The following PREPL variants were observed in gnomAD, a reference collection of about 807,000 sequenced individuals.
PREPL encodes the protein prolyl endopeptidase-like.
Under a neutral mutation model 70.6 loss-of-function variants are expected in PREPL, and 77 were observed. That is an observed-to-expected ratio of 1.09 (90% CI 0.91 to 1.32). PREPL has a LOEUF of 1.32. Ranked by LOEUF, PREPL falls within the 40% of genes most tolerant of loss-of-function variation. The probability of loss-of-function intolerance (pLI) is 0.00; values close to 1 mark genes in which losing one functional copy is unlikely to be tolerated. For synonymous variants in PREPL, 315 were observed against 264.8 expected (o/e 1.19, Z -1.84); for missense variants, 1,002 against 778.2 (o/e 1.29, Z -3.42).
At chr2:44,353,181 GCTAA>G (rs1265698711) in intron 1 of PREPL, among the ~76,000 whole-genome samples, 1 of 152,120 alleles carries the variant, frequency 6.6e-6, no homozygotes, top group Non-Finnish European at 1.5e-5. Flanking sequence ...TGTGAATGAG[GCTAA>G]CTTAGGTCTA....
At chr2:44,343,671 A>G in intron 4 of PREPL, 74 bp downstream of exon 4, 2 of 1,393,732 alleles carry the variant, frequency 1.4e-6, no homozygotes. Context: ...CCTCCCTCAC[A>G]TGCGACAAAA....
intron 1 of PREPL, chr2:44,359,680 C>T: frequency 6.2e-7 from 1 of 1,613,136 alleles, no homozygotes; most frequent in South Asian, 1.1e-5. Context: ...TACTATACTT[C>T]AAAGCTTGGA....
At position 44,344,546 on chromosome 2, in the gene PREPL, C is replaced by A. The variant is rs779382848; in HGVS notation, c.116G>T (p.Cys39Phe). Residue 39 changes from cysteine (C) to phenylalanine (F), a missense_variant, in exon 3 of 14, where the codon TGC (cysteine) becomes TTC (phenylalanine). Cys to Phe is a radical substitution (Grantham distance 205, BLOSUM62 -2). Coordinates refer to ENST00000409411, the MANE Select transcript of PREPL (RefSeq NM_001171613.2). ...GGFVYYQEGC[C>F]LVRSKDEEAD... ...TTCTTCATCTTTGGAACGAACCAAG[C>A]AACAACCTTCTTGGTAATAAACAAA... 3 of 1,603,346 alleles carry A rather than the reference C, an allele frequency of 1.9e-6. No homozygotes were observed. The highest frequency in any genetic ancestry group is 2.6e-6 in the Non-Finnish European group (3 of 1,175,278).
rs1322299061 is a variant in PREPL, at chr2:44,332,616, G to C, written c.929C>G (p.Ser310Cys). Residue 310 changes from serine to cysteine, a missense_variant, in exon 8 of 14, where the codon TCT (serine) becomes TGT (cysteine). Ser to Cys is a moderately radical substitution (Grantham distance 112). Coordinates refer to ENST00000409411, the MANE Select transcript of PREPL (RefSeq NM_001171613.2). ...WACGFIMDTNSDPKNCPFQLC... is the reference protein window; with the variant it reads ...WACGFIMDTNCDPKNCPFQLC... Reference sequence around the variant, plus strand: ...TTGAAAGGGGCAGTTCTTTGGGTCAGAATTTGTATCCATTATGAATCCACA... The same window carrying C: ...TTGAAAGGGGCAGTTCTTTGGGTCACAATTTGTATCCATTATGAATCCACA... 1.2e-6 allele frequency: 2 copies of C among 1,613,808 alleles called. No individual in the cohort carries two copies. Among genetic ancestry groups the C allele is most frequent in the East Asian group, 2.2e-5 (1 of 44,874 alleles).
In PREPL at chr2:44,321,442, T is replaced by C; in HGVS notation, c.1831A>G (p.Thr611Ala). Residue 611 changes from threonine to alanine, a missense_variant, in exon 14 of 14, where the codon ACA (threonine) becomes GCA (alanine). Transcript: ENST00000409411. ...HVIEDSHKKI[T>A]AQIKFLYEEL... ...TCGTACAGGAATTTAATTTGGGCTG[T>C]AATCTAAAAGAAACACATTAAAAAA... The C allele has an allele frequency of 6.2e-7, 1 of 1,612,018 alleles. No individual in the cohort carries two copies. The highest frequency in any genetic ancestry group is 1.1e-5 in the South Asian group (1 of 90,968).
In PREPL at chr2:44,338,388, A is replaced by T; in HGVS notation, c.851T>A (p.Val284Glu). ...LKHSNLLYVN[V>E]IGLADDSVRS... is the part of the protein sequence containing the mutation. ...AACTGAATCATCAGCCAGACCAATC[A>T]CATTAACATAAAGGAGATTGCTGTG... Residue 284 changes from valine to glutamate, a missense_variant, in exon 7 of 14, where the codon GTG (valine) becomes GAG (glutamate). By Grantham distance (121) the Val-to-Glu change is moderately radical. Coordinates refer to ENST00000409411, the MANE Select transcript of PREPL (RefSeq NM_001171613.2). 1 of 1,613,068 alleles carries T rather than the reference A, an allele frequency of 6.2e-7. No individual in the cohort carries two copies. The highest frequency in any genetic ancestry group is 8.5e-7 in the Non-Finnish European group (1 of 1,179,778).
In PREPL at chr2:44,334,465, T is replaced by C. The variant is rs1012588639; in HGVS notation, c.889-1809A>G. On this transcript the variant is annotated intron_variant, in intron 7 of 13. Coordinates refer to ENST00000409411, the MANE Select transcript of PREPL (RefSeq NM_001171613.2). ...TTCTTTTTGTGACAAAAAAAAATACTTCCAGAAAATACTGATGGCATGGTG... is the reference window on the plus strand; with the variant it reads ...TTCTTTTTGTGACAAAAAAAAATACCTCCAGAAAATACTGATGGCATGGTG... 2.0e-5 allele frequency among the ~76,000 whole-genome samples: 3 copies of C among 152,352 alleles called. No individual in the cohort carries two copies. The East Asian group carries it at 5.8e-4, about 29-fold the overall frequency.
intron 2 of PREPL, among the ~76,000 whole-genome samples, chr2:44,345,885 T>C (rs1179128674): frequency 6.6e-6 from 1 of 152,146 alleles, no homozygotes; most frequent in Non-Finnish European, 1.5e-5. Context: ...CTCACACCTA[T>C]AATCTCAGCA....
At chr2:44,325,561 T>G (rs1673410673) in intron 10 of PREPL, among the ~76,000 whole-genome samples, 1 of 152,228 alleles carries the variant, frequency 6.6e-6, no homozygotes, top group South Asian at 2.1e-4. Flanking sequence ...TTCACTATAA[T>G]AAGCAACCTA....
At chr2:44,338,761 T>A (rs753304629) in intron 6 of PREPL, among the ~76,000 whole-genome samples, 1 of 152,120 alleles carries the variant, frequency 6.6e-6, no homozygotes, top group Non-Finnish European at 1.5e-5. Context: ...AGCCAACCAC[T>A]GGACATTTGA....
intron 1 of PREPL, among the ~76,000 whole-genome samples, chr2:44,355,559 A>C (rs1306114537): frequency 6.6e-6 from 1 of 152,038 alleles, no homozygotes; most frequent in Non-Finnish European, 1.5e-5. Flanking sequence ...AAAAAAAAGC[A>C]ATCACCCTGT....
rs1256765280 is a variant in PREPL at position 44,329,046 on chromosome 2, G to C, written c.1153C>G (p.Leu385Val). Reference sequence around the variant, plus strand: ...TAAGCTCCATATACATGTACCAAGAGAGGTTTCTTCTGCAAGTCCTCAGAG... The same window carrying C: ...TAAGCTCCATATACATGTACCAAGACAGGTTTCTTCTGCAAGTCCTCAGAG... ...TDSEDLQKKP[L>V]LVHVYGAYGM... Residue 385 changes from leucine to valine, a missense_variant, in exon 9 of 14, where the codon CTC becomes GTC. Transcript: ENST00000409411. 6.2e-7 allele frequency: 1 copy of C among 1,613,172 alleles called. No individual in the cohort carries two copies. Among genetic ancestry groups the C allele is most frequent in the Non-Finnish European group, 8.5e-7 (1 of 1,179,196 alleles).
intron 13 of PREPL, 114 bp downstream of exon 13, chr2:44,321,713 G>T (rs748647880): frequency 2.5e-6 from 4 of 1,592,550 alleles, no homozygotes; most frequent in African/African-American, 1.3e-5. Flanking sequence ...CTCACCCATA[G>T]ATAGGACATT....
chr2:44,356,496 G>C (rs1030116754), intron 1 of PREPL: 1 of 152,742 alleles, frequency 6.5e-6, no homozygotes, highest in African/African-American at 2.4e-5. Context: ...AGTGAGCCAA[G>C]ATCATGCCAT....
At chr2:44,323,936 C>A (rs1157408912) in intron 10 of PREPL, among the ~76,000 whole-genome samples, 1 of 152,038 alleles carries the variant, frequency 6.6e-6, no homozygotes, top group African/African-American at 2.4e-5. Context: ...ATATAATCCC[C>A]AAAACTGAAA....
At chr2:44,339,443 G>T in intron 5 of PREPL, 80 bp from the exon 6 acceptor site, 3 of 1,555,066 alleles carry the variant, frequency 1.9e-6, no homozygotes, top group Non-Finnish European at 2.6e-6. Context: ...TCTCAGAGGT[G>T]GTCAGTATAC....
In PREPL at chr2:44,319,803, G is replaced by C. The variant is rs1672770979; in HGVS notation, c.*1553C>G. On this transcript the variant is annotated 3_prime_UTR_variant, in exon 14 of 14. Transcript: ENST00000409411. ...AAGGGGAACAAACCCAAATTCCTCAGAAGTCTGAGTCCACTGTTGCCTTCT... is the reference window on the plus strand; with the variant it reads ...AAGGGGAACAAACCCAAATTCCTCACAAGTCTGAGTCCACTGTTGCCTTCT... 1 of 183,126 alleles carries C rather than the reference G, an allele frequency of 5.5e-6. No homozygotes were observed. The highest frequency in any genetic ancestry group is 1.2e-5 in the Non-Finnish European group (1 of 86,630). 11.3% of individuals were successfully genotyped at this position (183,126 alleles called of 1,614,324 possible).
rs1009002738 is a variant in PREPL, at chr2:44,317,907, A to C, written c.*3449T>G. 1 of 237,708 alleles carries C rather than the reference A, an allele frequency of 4.2e-6. No individual in the cohort carries two copies. The highest frequency in any genetic ancestry group is 8.5e-6 in the Non-Finnish European group (1 of 117,048). 14.7% of individuals were successfully genotyped at this position (237,708 alleles called of 1,614,324 possible). A position where few individuals can be genotyped will look rare whatever the true frequency, so the allele number is the denominator to read the frequency against. ...AACCACTCAGATAACAAAAACAGACATAAGAAACACTAACATAAAACACAA... is the reference window on the plus strand; with the variant it reads ...AACCACTCAGATAACAAAAACAGACCTAAGAAACACTAACATAAAACACAA... On this transcript the variant is annotated 3_prime_UTR_variant, in exon 14 of 14. Transcript: ENST00000409411.
intron 1 of PREPL, among the ~76,000 whole-genome samples, chr2:44,354,501 A>C (rs1425239636): frequency 6.6e-6 from 1 of 152,166 alleles, no homozygotes. Context: ...AACTCTCCCC[A>C]AATTCCAGAC....
Sources: allele counts gnomAD v4.1 joint callset (sites outside exome capture counted in the v4.1 genomes callset), GRCh38; gene constraint gnomAD v4.1.1; transcripts MANE v1.5; gene names NCBI Gene and HGNC (gene_info 2026-07-23, HGNC 2026-07-21).